The following FGF14 variants were observed in gnomAD, a reference collection of about 807,000 sequenced individuals.
FGF14 encodes fibroblast growth factor 14.
In FGF14, 5 loss-of-function variants were observed where a neutral mutation model predicts 25.5. The ratio of observed to expected loss-of-function variants is 0.20; its 90% CI spans 0.10 to 0.41. The LOEUF is 0.41. Ranked by LOEUF, FGF14 falls within the 10% of genes least tolerant of loss-of-function variation. The pLI, the probability that FGF14 is intolerant of heterozygous loss-of-function variation, is 1.00. For synonymous variants in FGF14, 138 were observed against 118.3 expected (o/e 1.17, Z -1.08); for missense variants, 222 against 320.1 (o/e 0.69, Z 2.34).
chr13:102,181,802 T>C (rs2048685839), intron 1 of FGF14, among the ~76,000 whole-genome samples: 1 of 152,150 alleles, frequency 6.6e-6, no homozygotes, highest in Non-Finnish European at 1.5e-5. Context: ...CAAATCCCTT[T>C]TACCATGTCA....
chr13:101,930,532 A>T (rs2493589), intron 1 of FGF14, among the ~76,000 whole-genome samples: 11 of 152,038 alleles, frequency 7.2e-5, no homozygotes, highest in African/African-American at 2.2e-4. Flanking sequence ...ACAATCATTC[A>T]GCGATTTTCT....
chr13:102,028,589 T>A (rs1231945522), intron 1 of FGF14, among the ~76,000 whole-genome samples: 2 of 152,056 alleles, frequency 1.3e-5, no homozygotes, highest in African/African-American at 4.8e-5. Context: ...TGCTTACACT[T>A]CTATAGACAT....
upstream of FGF14, among the ~76,000 whole-genome samples, chr13:102,401,956 G>C (rs2058710891): frequency 6.7e-6 from 1 of 150,370 alleles, no homozygotes; most frequent in Admixed American, 6.7e-5. Context: ...CTTTTTACTT[G>C]ATCGCTATGA....
chr13:101,965,232 G>C (rs1169202378), intron 1 of FGF14, among the ~76,000 whole-genome samples: 3 of 148,934 alleles, frequency 2.0e-5, no homozygotes, highest in South Asian at 2.1e-4. Flanking sequence ...CTGGGTGAGA[G>C]AGCAAGACTG....
At chr13:101,726,224 T>C (rs1327389566) in intron 4 of FGF14, among the ~76,000 whole-genome samples, 1 of 152,118 alleles carries the variant, frequency 6.6e-6, no homozygotes, top group African/African-American at 2.4e-5. Context: ...CGCTCAAAAC[T>C]TATTTTTTCT....
chr13:102,258,459 G>T (rs932007609), intron 1 of FGF14, among the ~76,000 whole-genome samples: 1 of 152,098 alleles, frequency 6.6e-6, no homozygotes, highest in African/African-American at 2.4e-5. Context: ...CTCTGTCTTT[G>T]TTCCCTTTTG....
intron 1 of FGF14, among the ~76,000 whole-genome samples, chr13:102,378,129 A>G (rs1245497071): frequency 6.6e-6 from 1 of 152,184 alleles, no homozygotes; most frequent in African/African-American, 2.4e-5. Context: ...ATAATGGTGA[A>G]TACATTATAT....
At chr13:101,952,135 C>A (rs75951914) in intron 1 of FGF14, among the ~76,000 whole-genome samples, 2,971 of 151,974 alleles carry the variant, frequency 0.02, 104 homozygotes, top group African/African-American at 0.069. Context: ...TTGAAATAAG[C>A]ATCCAAACTA....
At chr13:102,083,662 ATACCTT>A (rs2043747446) in intron 1 of FGF14, among the ~76,000 whole-genome samples, 1 of 152,228 alleles carries the variant, frequency 6.6e-6, no homozygotes, top group Non-Finnish European at 1.5e-5. Flanking sequence ...GAACCAATGT[ATACCTT>A]TCATGTATCG....
rs2139634477 is a variant in FGF14, at chr13:101,718,336, T to TAA, written c.*4493_*4494dup. The TAA allele has an allele frequency of 6.6e-6, 1 of 152,246 alleles. No homozygotes were observed. Among genetic ancestry groups the TAA allele is most frequent in the Non-Finnish European group, 1.5e-5 (1 of 68,002 alleles). The allele number at this position is 152,246 out of a possible 1,614,324, so 9.4% of individuals were successfully genotyped here. ...TTGGAAAAAATAAAATAGTTACATG[T>TAA]AAAGACATAAACTCTTTCCTTCTTA... On this transcript the variant is annotated 3_prime_UTR_variant, in exon 5 of 5. Coordinates refer to ENST00000376143, the MANE Select transcript of FGF14 (RefSeq NM_004115.4).
Position 102,209,210 on chromosome 13 carries a change from C to A in FGF14, c.208+192261G>T, listed in dbSNP as rs73565573. Among the ~76,000 whole-genome samples, 1,069 of 152,304 alleles carry A rather than the reference C, an allele frequency of 7.0e-3. 22 individuals carry two copies. The highest frequency in any genetic ancestry group is 0.024 in the African/African-American group (996 of 41,570). On this transcript the variant is annotated intron_variant, in intron 1 of 4. Transcript: ENST00000376131. ...TTTGTTTCCAGTTGGGTATGAGGTT[C>A]CTTATCTGGGTGACAGTTTCAATCA... is the stretch of plus-strand genomic sequence containing the variant.
chr13:101,920,558 C>G (rs1371710429), upstream of FGF14, among the ~76,000 whole-genome samples: 1 of 152,176 alleles, frequency 6.6e-6, no homozygotes, highest in Non-Finnish European at 1.5e-5. Context: ...TTGAAAATGA[C>G]AGCTATGACT....
In FGF14 at chr13:102,400,545, C is replaced by T. The variant is rs1215210064; in HGVS notation, c.208+926G>A. ...TTGCTCGCCCACAGCTCCGCGGCCGCCCCCAATCGCCTCGGACTGAGACGC... is the reference window on the plus strand; with the variant it reads ...TTGCTCGCCCACAGCTCCGCGGCCGTCCCCAATCGCCTCGGACTGAGACGC... On this transcript the variant is annotated intron_variant, in intron 1 of 4. Coordinates refer to the FGF14 transcript ENST00000376131. The surrounding 1 kb of genome is among the most constrained non-coding windows in gnomAD (Gnocchi z 4.3). 6.6e-6 allele frequency among the ~76,000 whole-genome samples: 1 copy of T among 152,196 alleles called. No individual in the cohort carries two copies. Among genetic ancestry groups the T allele is most frequent in the African/African-American group, 2.4e-5 (1 of 41,448 alleles).
At chr13:102,148,290 TA>T (rs1385504864) in intron 1 of FGF14, among the ~76,000 whole-genome samples, 1 of 152,220 alleles carries the variant, frequency 6.6e-6, no homozygotes, top group Non-Finnish European at 1.5e-5. Context: ...GAAATAATTA[TA>T]AAATCACTTT....
intron 1 of FGF14, among the ~76,000 whole-genome samples, chr13:101,953,656 T>C (rs1003227133): frequency 6.6e-6 from 1 of 151,302 alleles, no homozygotes. Context: ...AATGGCGCAA[T>C]CTTGGCTCAC....
intron 1 of FGF14, among the ~76,000 whole-genome samples, chr13:101,889,343 C>T (rs543137408): frequency 7.2e-5 from 11 of 152,188 alleles, no homozygotes; most frequent in South Asian, 6.2e-4. Context: ...TTGTAGCACC[C>T]GGCTCCCAGG....
chr13:102,145,688 T>C (rs948917653), intron 1 of FGF14, among the ~76,000 whole-genome samples: 1 of 152,186 alleles, frequency 6.6e-6, no homozygotes, highest in African/African-American at 2.4e-5. Context: ...GTGATATATA[T>C]GCCTTTTCCC....
intron 1 of FGF14, among the ~76,000 whole-genome samples, chr13:102,385,987 G>A (rs547512399): frequency 1.1e-4 from 16 of 152,116 alleles, no homozygotes; most frequent in East Asian, 3.9e-4. Flanking sequence ...TGTTTTACCC[G>A]AACGTCACTT....
chr13:101,769,382 AAGAC>A (rs1238627052), intron 3 of FGF14, among the ~76,000 whole-genome samples: 1 of 152,094 alleles, frequency 6.6e-6, no homozygotes, highest in East Asian at 1.9e-4. Context: ...ACCACTTTAG[AAGAC>A]AGTTTGATGG....
Sources: gnomAD v4.1 joint callset for allele counts (sites outside exome capture counted in the v4.1 genomes callset) on GRCh38, gnomAD v4.1.1 for gene constraint, Gnocchi (gnomAD v3.1) non-coding constraint, MANE v1.5 for transcripts, NCBI Gene and HGNC (gene_info 2026-07-23, HGNC 2026-07-21) for gene names.